The following SUFU variants were observed in gnomAD, a reference collection of about 807,000 sequenced individuals.
The protein encoded by SUFU is suppressor of fused homolog.
A neutral mutation model predicts 58.9 loss-of-function variants in SUFU; 7 were observed. That is an observed-to-expected ratio of 0.12 (90% CI 0.07 to 0.22). The LOEUF (loss-of-function observed/expected upper bound fraction) is 0.22. Among genes scored for constraint, SUFU ranks in the 10% least tolerant of loss-of-function variants. The pLI is 1.00. For synonymous variants in SUFU, 232 were observed against 254.8 expected (o/e 0.91, Z 0.85); for missense variants, 451 against 641.3 (o/e 0.70, Z 3.20).
intron 2 of SUFU, among the ~76,000 whole-genome samples, chr10:102,526,612 G>T (rs1309364773): frequency 6.6e-6 from 1 of 152,192 alleles, no homozygotes; most frequent in Non-Finnish European, 1.5e-5. Context: ...ATGGGTAGAA[G>T]TAGTGGTTGA....
chr10:102,519,610 CAT>C (rs1462470763), intron 2 of SUFU, among the ~76,000 whole-genome samples: 3 of 150,556 alleles, frequency 2.0e-5, no homozygotes, highest in Non-Finnish European at 3.0e-5. Context: ...CTTTTAAAAA[CAT>C]AAAAATTTCT....
At chr10:102,515,065 T>A (rs1300721743) in intron 2 of SUFU, among the ~76,000 whole-genome samples, 1 of 152,116 alleles carries the variant, frequency 6.6e-6, no homozygotes, top group South Asian at 2.1e-4. Flanking sequence ...TCCAGTGGAG[T>A]TTGGAGCAGT....
intron 2 of SUFU, among the ~76,000 whole-genome samples, chr10:102,535,162 CAG>C (rs1440195877): frequency 1.3e-5 from 2 of 152,034 alleles, no homozygotes; most frequent in African/African-American, 2.4e-5. Flanking sequence ...AGCCTGGGAC[CAG>C]GAGGAAGGGG....
intron 3 of SUFU, among the ~76,000 whole-genome samples, chr10:102,572,392 CTTT>C (rs36034579): frequency 2.3e-5 from 3 of 130,262 alleles, no homozygotes; most frequent in African/African-American, 2.9e-5. Flanking sequence ...CTTTTTCTTT[CTTT>C]TTTTTTTTTT....
intron 3 of SUFU, among the ~76,000 whole-genome samples, chr10:102,564,368 T>C (rs913040165): frequency 3.7e-4 from 57 of 152,322 alleles, no homozygotes; most frequent in African/African-American, 1.3e-3. Context: ...AGTCTCACTC[T>C]GTCACCCAAG....
intron 2 of SUFU, among the ~76,000 whole-genome samples, 153 bp downstream of exon 2, chr10:102,509,456 C>T (rs1011312414): frequency 5.9e-5 from 9 of 152,096 alleles, no homozygotes; most frequent in Admixed American, 5.2e-4. Flanking sequence ...CCAAGGTGGT[C>T]CTCGTTAACA....
intron 2 of SUFU, among the ~76,000 whole-genome samples, chr10:102,537,642 G>A (rs1564670940): frequency 6.6e-6 from 1 of 152,064 alleles, no homozygotes. Context: ...TCATATAAGT[G>A]GAATCATATG....
chr10:102,618,907 T>C (rs942656231), intron 10 of SUFU, among the ~76,000 whole-genome samples: 3 of 149,334 alleles, frequency 2.0e-5, no homozygotes, highest in Non-Finnish European at 4.4e-5. Context: ...TCACAGGTCA[T>C]CATTCCCAAG....
intron 2 of SUFU, among the ~76,000 whole-genome samples, chr10:102,529,905 A>C (rs2062656541): frequency 6.6e-6 from 1 of 151,396 alleles, no homozygotes; most frequent in Admixed American, 6.6e-5. Flanking sequence ...AGATCGCGCC[A>C]CTGCACTCCA....
At chr10:102,597,351 G>T (rs761079941) in intron 7 of SUFU, 58 bp downstream of exon 7, 4 of 1,585,282 alleles carry the variant, frequency 2.5e-6, no homozygotes, top group Non-Finnish European at 3.4e-6. Context: ...CCCAGGGCCT[G>T]GTTTCCAGTC....
chr10:102,627,050 C>A, intron 10 of SUFU, 125 bp from the exon 11 acceptor site: 1 of 1,044,616 alleles, frequency 9.6e-7, no homozygotes, highest in Non-Finnish European at 1.5e-6. Context: ...TCCCTGTGTC[C>A]CTTGAACAGA....
intron 4 of SUFU, among the ~76,000 whole-genome samples, chr10:102,593,271 A>T (rs2063422999): frequency 6.6e-6 from 1 of 152,156 alleles, no homozygotes; most frequent in Admixed American, 6.5e-5. Flanking sequence ...ATTCCCCATG[A>T]TACCAGACTG....
At chr10:102,624,299 T>C (rs918520161) in intron 10 of SUFU, among the ~76,000 whole-genome samples, 1 of 152,196 alleles carries the variant, frequency 6.6e-6, no homozygotes, top group Non-Finnish European at 1.5e-5. Flanking sequence ...TGCCCCATCT[T>C]AGCTGTCTAT....
intron 2 of SUFU, among the ~76,000 whole-genome samples, chr10:102,531,114 G>A (rs537793065): frequency 1.3e-5 from 2 of 151,096 alleles, no homozygotes; most frequent in South Asian, 4.2e-4. Context: ...ATGTAATCAG[G>A]TGTAGTGGTG....
At chr10:102,553,710 G>A (rs1341750057) in intron 3 of SUFU, among the ~76,000 whole-genome samples, 3 of 152,088 alleles carry the variant, frequency 2.0e-5, no homozygotes, top group Admixed American at 1.3e-4. Flanking sequence ...TGATCCGCCC[G>A]CCTCAGCCTC....
chr10:102,562,132 C>T (rs2063044020), intron 3 of SUFU, among the ~76,000 whole-genome samples: 2 of 152,174 alleles, frequency 1.3e-5, no homozygotes, highest in Admixed American at 1.3e-4. Flanking sequence ...TAAGGAACCT[C>T]AATGCATTGT....
rs768773206 is a variant in SUFU, at chr10:102,619,108, G to A, written c.1296+1680G>A. ...GAGCTCTGCCCTCCCGTCCTGGAAC[G>A]TCTTTCTGCCCTGAGGAGAGGGTAG... On this transcript the variant is annotated intron_variant, in intron 10 of 11. Transcript: ENST00000369902. The surrounding 1 kb of genome is among the most constrained non-coding windows in gnomAD (Gnocchi z 4.2). The A allele has an allele frequency of 6.2e-6, 10 of 1,612,728 alleles. No individual in the cohort carries two copies. In the East Asian group the frequency reaches 6.7e-5, roughly 11 times the overall value.
intron 1 of SUFU, among the ~76,000 whole-genome samples, chr10:102,507,617 A>T (rs947062310): frequency 1.9e-4 from 29 of 152,276 alleles, no homozygotes; most frequent in African/African-American, 6.5e-4. Context: ...TTCCTAACAG[A>T]GAATAGGGAT....
At chr10:102,612,331 A>G (rs538498215) in intron 8 of SUFU, among the ~76,000 whole-genome samples, 9 of 152,138 alleles carry the variant, frequency 5.9e-5, no homozygotes, top group Non-Finnish European at 1.3e-4. Context: ...TTAAAAGATT[A>G]AAGTACAGTT....
Sources: allele counts gnomAD v4.1 joint callset (sites outside exome capture counted in the v4.1 genomes callset), GRCh38; gene constraint gnomAD v4.1.1; non-coding constraint Gnocchi (gnomAD v3.1); transcripts MANE v1.5; gene names NCBI Gene and HGNC (gene_info 2026-07-23, HGNC 2026-07-21).